JCAD: variants seen among roughly 807,000 people sequenced by gnomAD.
JCAD encodes junctional cadherin 5 associated.
A neutral mutation model predicts 98.0 loss-of-function variants in JCAD; 40 were observed. That is an observed-to-expected ratio of 0.41 (90% CI 0.32 to 0.53). The LOEUF is 0.53. JCAD is among the 20% of genes least tolerant of loss of function. The probability of loss-of-function intolerance (pLI) is 0.31; values close to 1 mark genes in which losing one functional copy is unlikely to be tolerated. For synonymous variants in JCAD, 691 were observed against 682.3 expected (o/e 1.01, Z -0.20); for missense variants, 1,705 against 1,738.1 (o/e 0.98, Z 0.34).
chr10:30,059,312 G>GCGA lies in JCAD; in HGVS notation c.-60+167_-60+169dup, dbSNP rs921197843. 9.8e-4 allele frequency among the ~76,000 whole-genome samples: 148 copies of GCGA among 151,394 alleles called. 1 individual carries two copies. The highest frequency in any genetic ancestry group is 1.8e-3 in the Non-Finnish European group (123 of 67,676). The stretch of plus-strand genomic sequence containing the variant: ...CCGCGCGGGGGGCCCAGGCGGGGCT[G>GCGA]CGACTGGGGGTGCAGACATCCCCCA... On this transcript the variant is annotated intron_variant, in intron 1 of 3. Transcript: ENST00000375377. The surrounding 1 kb of genome is among the most constrained non-coding windows in gnomAD (Gnocchi z 5.0).
At chr10:30,082,744 C>T (rs575988813) in intron 1 of JCAD, among the ~76,000 whole-genome samples, 9 of 145,892 alleles carry the variant, frequency 6.2e-5, no homozygotes, top group South Asian at 2.2e-4. Context: ...CCAGCTACTT[C>T]GGAAGCTGAG....
intron 1 of JCAD, among the ~76,000 whole-genome samples, chr10:30,093,624 C>G (rs939535757): frequency 6.6e-6 from 1 of 152,220 alleles, no homozygotes; most frequent in Non-Finnish European, 1.5e-5. Context: ...CTCTAGCCCC[C>G]CGCATGTGGC....
intron 2 of JCAD, among the ~76,000 whole-genome samples, chr10:30,040,794 G>C (rs1163461746): frequency 1.3e-5 from 2 of 152,186 alleles, no homozygotes; most frequent in East Asian, 1.9e-4. Context: ...CGAGAACGCA[G>C]AGGCACAGCC....
At chr10:30,081,581 G>A (rs758063648) in intron 1 of JCAD, among the ~76,000 whole-genome samples, 4 of 152,202 alleles carry the variant, frequency 2.6e-5, no homozygotes, top group South Asian at 2.1e-4. Context: ...ACAGGCACAC[G>A]CCACCATGCC....
In JCAD at chr10:30,059,523, G is replaced by C. The variant is rs1255938571; in HGVS notation, c.-101C>G. 6.7e-6 allele frequency: 1 copy of C among 148,408 alleles called. No individual in the cohort carries two copies. The highest frequency in any genetic ancestry group is 1.9e-4 in the East Asian group (1 of 5,146). The allele number at this position is 148,408 out of a possible 1,614,324, so 9.2% of individuals were successfully genotyped here. A position where few individuals can be genotyped will look rare whatever the true frequency, so the allele number is the denominator to read the frequency against. On this transcript the variant is annotated 5_prime_UTR_variant, in exon 1 of 4. Coordinates refer to ENST00000375377, the MANE Select transcript of JCAD (RefSeq NM_020848.4). The surrounding 1 kb of genome is among the most constrained non-coding windows in gnomAD (Gnocchi z 5.0). ...GCCGCCTCGCGCCGCCACCGCCGCC[G>C]CTCCGGCCGGCCGGGGACCAGCGCG...
chr10:30,017,776 C>G lies in JCAD; in HGVS notation c.*107G>C. On this transcript the variant is annotated 3_prime_UTR_variant, in exon 4 of 4. Coordinates refer to ENST00000375377, the MANE Select transcript of JCAD (RefSeq NM_020848.4). ...GAATGTTATCAGGATGCTAAAAACT[C>G]AGCAGCTTCCAGCTTCTACATGGGG... 2 of 1,010,798 alleles carry G rather than the reference C, an allele frequency of 2.0e-6. No individual in the cohort carries two copies. Among genetic ancestry groups the G allele is most frequent in the South Asian group, 2.7e-5 (2 of 74,410 alleles). The allele number at this position is 1,010,798 out of a possible 1,614,324, so 62.6% of individuals were successfully genotyped here. A position where few individuals can be genotyped will look rare whatever the true frequency, so the allele number is the denominator to read the frequency against.
intron 1 of JCAD, among the ~76,000 whole-genome samples, chr10:30,111,717 G>A (rs780383575): frequency 3.3e-5 from 5 of 152,118 alleles, no homozygotes; most frequent in Non-Finnish European, 7.4e-5. Flanking sequence ...AAGAGGCTCC[G>A]TGTCATTAGT....
At chr10:30,094,942 C>A (rs978009873) in intron 1 of JCAD, among the ~76,000 whole-genome samples, 29 of 152,210 alleles carry the variant, frequency 1.9e-4, no homozygotes, top group African/African-American at 6.8e-4. Context: ...AGGAGGACAT[C>A]TAGTTCTCAC....
upstream of JCAD, among the ~76,000 whole-genome samples, chr10:30,064,323 T>G (rs577301859): frequency 1.5e-3 from 229 of 152,280 alleles, no homozygotes; most frequent in Non-Finnish European, 2.9e-3. Context: ...AGGTTGACTC[T>G]GCAGAGTCCC....
chr10:30,083,807 A>G (rs1328992093), intron 1 of JCAD, among the ~76,000 whole-genome samples: 1 of 152,140 alleles, frequency 6.6e-6, no homozygotes, highest in Non-Finnish European at 1.5e-5. Context: ...CAAAAAGATC[A>G]CTTGAGCCCA....
intron 1 of JCAD, among the ~76,000 whole-genome samples, chr10:30,082,988 T>G (rs1244397964): frequency 6.6e-6 from 1 of 151,822 alleles, no homozygotes; most frequent in Non-Finnish European, 1.5e-5. Context: ...GAGCCAAGAT[T>G]GCACCACTGC....
At chr10:30,078,527 T>C (rs1372744263) in intron 1 of JCAD, among the ~76,000 whole-genome samples, 1 of 152,174 alleles carries the variant, frequency 6.6e-6, no homozygotes, top group African/African-American at 2.4e-5. Flanking sequence ...AATGGCTGAA[T>C]GGCTGGACAA....
chr10:30,081,874 A>T (rs541599571), intron 1 of JCAD, among the ~76,000 whole-genome samples: 22 of 152,106 alleles, frequency 1.4e-4, no homozygotes, highest in Non-Finnish European at 2.8e-4. Flanking sequence ...AAATTAGTAG[A>T]CACTTGTTTG....
intron 2 of JCAD, among the ~76,000 whole-genome samples, chr10:30,042,272 C>T (rs1031594781): frequency 6.6e-6 from 1 of 152,250 alleles, no homozygotes; most frequent in South Asian, 2.1e-4. Context: ...TGTCCTCACC[C>T]GCAGCACCTG....
intron 1 of JCAD, among the ~76,000 whole-genome samples, chr10:30,111,287 C>T (rs1196218919): frequency 1.3e-5 from 2 of 152,130 alleles, no homozygotes; most frequent in Non-Finnish European, 2.9e-5. Context: ...GGTGCATTTT[C>T]TTCAAAAAAA....
At position 30,079,367 on chromosome 10, in the gene JCAD, A is replaced by G. The variant is rs562146462; in HGVS notation, n.129-9546T>C. 2.7e-3 allele frequency among the ~76,000 whole-genome samples: 413 copies of G among 151,490 alleles called. 10 individuals carry two copies. The highest frequency in any genetic ancestry group is 0.023 in the Admixed American group (344 of 15,154). On this transcript the variant is annotated intron_variant and non_coding_transcript_variant, in intron 1 of 2. Coordinates refer to the JCAD transcript ENST00000465712. The stretch of plus-strand genomic sequence containing the variant: ...ATCTCAAAAAAAAAAAAAAAAAAAA[A>G]GAATAGTAATCATCACAGGGGCTTC...
At chr10:30,065,529 TCTCA>T (rs1837769063) in intron 2 of JCAD, among the ~76,000 whole-genome samples, 1 of 151,902 alleles carries the variant, frequency 6.6e-6, no homozygotes, top group South Asian at 2.1e-4. Flanking sequence ...TGACATGAAC[TCTCA>T]CTCTGTCATT....
rs1473059829 is a variant in JCAD at position 30,013,157 on chromosome 10, G to A, written c.*4726C>T. ...AAAAAATGAAGAGATGAAAGTTTCT[G>A]TGGTTAGCTGGGCATGGTGGTGTGC... On this transcript the variant is annotated 3_prime_UTR_variant, in exon 4 of 4. Transcript: ENST00000375377. 1 of 152,272 alleles carries A rather than the reference G, an allele frequency of 6.6e-6. No individual in the cohort carries two copies. The highest frequency in any genetic ancestry group is 1.9e-4 in the East Asian group (1 of 5,190). 9.4% of individuals were successfully genotyped at this position (152,272 alleles called of 1,614,324 possible).
rs1039720687 is a variant in JCAD, at chr10:30,016,633, A to G, written c.*1250T>C. The G allele has an allele frequency of 6.6e-5, 10 of 152,162 alleles. No homozygotes were observed. Among genetic ancestry groups the G allele is most frequent in the African/African-American group, 2.4e-4 (10 of 41,440 alleles). 9.4% of individuals were successfully genotyped at this position (152,162 alleles called of 1,614,324 possible). The stretch of plus-strand genomic sequence containing the variant: ...AGAGACTAATTCAAGATCATTCTAG[A>G]TAAAAATACGTATTTCTTTAAAGGG... On this transcript the variant is annotated 3_prime_UTR_variant, in exon 4 of 4. Transcript: ENST00000375377.
Sources: allele counts gnomAD v4.1 joint callset (sites outside exome capture counted in the v4.1 genomes callset), GRCh38; gene constraint gnomAD v4.1.1; non-coding constraint Gnocchi (gnomAD v3.1); transcripts MANE v1.5; gene names NCBI Gene and HGNC (gene_info 2026-07-23, HGNC 2026-07-21).